The following ZRANB3 variants were observed in gnomAD, a reference collection of about 807,000 sequenced individuals.
ZRANB3 encodes zinc finger RANBP2-type containing 3, also known as DNA annealing helicase and endonuclease ZRANB3.
ZRANB3 carries 125 observed loss-of-function variants against 133.8 expected under a neutral mutation model. The observed-to-expected ratio is 0.93, with a 90% CI of 0.81 to 1.08. ZRANB3 has a LOEUF of 1.08. ZRANB3 is among the 50% of genes least tolerant of loss of function. The pLI, the probability that ZRANB3 is intolerant of heterozygous loss-of-function variation, is 0.00. For missense variants in ZRANB3, 1,229 were observed against 1,275.5 expected (o/e 0.96, Z 0.56); for synonymous variants, 387 against 432.7 (o/e 0.89, Z 1.31).
In ZRANB3 at chr2:135,485,174, A is replaced by AT. The variant is rs1362257935; in HGVS notation, c.161+19154_161+19155insA. Among the ~76,000 whole-genome samples, 706 of 148,884 alleles carry AT rather than the reference A, an allele frequency of 4.7e-3. 3 individuals carry two copies. The highest frequency in any genetic ancestry group is 0.025 in the South Asian group (117 of 4,760). On this transcript the variant is annotated intron_variant, in intron 2 of 20. Transcript: ENST00000264159. ...AAAACAAAACAAAACAAAACAAAAC[A>AT]AAACAAAACAAAACATAACATAACA...
At chr2:135,276,243 T>G (rs1260453958) in intron 8 of ZRANB3, among the ~76,000 whole-genome samples, 2 of 151,694 alleles carry the variant, frequency 1.3e-5, no homozygotes, top group African/African-American at 4.8e-5. Context: ...AGTTTTTTTT[T>G]TTTTTTTTTT....
At chr2:135,257,916 C>T (rs1231394685) in intron 12 of ZRANB3, among the ~76,000 whole-genome samples, 3 of 152,140 alleles carry the variant, frequency 2.0e-5, no homozygotes, top group East Asian at 1.9e-4. Context: ...TGTATGACCT[C>T]GGGCAGATTA....
intron 3 of ZRANB3, among the ~76,000 whole-genome samples, chr2:135,361,907 G>C (rs1685711181): frequency 6.6e-6 from 1 of 152,022 alleles, no homozygotes; most frequent in Non-Finnish European, 1.5e-5. Context: ...TCTTAGAATT[G>C]TGTGTGTACG....
intron 2 of ZRANB3, among the ~76,000 whole-genome samples, chr2:135,402,177 T>G (rs1395748646): frequency 6.6e-6 from 1 of 152,124 alleles, no homozygotes; most frequent in Non-Finnish European, 1.5e-5. Context: ...ATGACTTCAG[T>G]GATTAATCAC....
rs1694817945 is a variant in ZRANB3, at chr2:135,227,850, A to G, written c.2120T>C (p.Ile707Thr). Residue 707 changes from isoleucine (I) to threonine (T), a missense_variant, in exon 14 of 21, where the codon ATT (isoleucine) becomes ACT (threonine). By Grantham distance (89) the Ile-to-Thr change is moderately conservative (BLOSUM62 -1). Coordinates refer to ENST00000264159, the MANE Select transcript of ZRANB3 (RefSeq NM_032143.4). ...GGATGTAAGTCCGTCTTCTTTCTCAATTTTTGGTGTTTCTTCCTTGCTGTC... is the reference window on the plus strand; with the variant it reads ...GGATGTAAGTCCGTCTTCTTTCTCAGTTTTTGGTGTTTCTTCCTTGCTGTC... Reference protein sequence around the residue: ...LADSKEETPKIEKEDGLTSQP... With the variant: ...LADSKEETPKTEKEDGLTSQP... 10 of 1,577,626 alleles carry G rather than the reference A, an allele frequency of 6.3e-6. No homozygotes were observed. The highest frequency in any genetic ancestry group is 1.8e-5 in the Admixed American group (1 of 54,528).
chr2:135,502,735 G>A (rs552161027), intron 2 of ZRANB3, among the ~76,000 whole-genome samples: 1 of 152,340 alleles, frequency 6.6e-6, no homozygotes, highest in South Asian at 2.1e-4. Context: ...TCAGGAATCT[G>A]AGGACCGTTA....
chr2:135,209,266 G>A (rs1694003359), intron 17 of ZRANB3, among the ~76,000 whole-genome samples: 1 of 152,196 alleles, frequency 6.6e-6, no homozygotes, highest in Admixed American at 6.5e-5. Context: ...GGAAAAAGGA[G>A]TCGGTGTGAG....
At chr2:135,288,855 T>C (rs1297583086) in intron 8 of ZRANB3, among the ~76,000 whole-genome samples, 1 of 150,532 alleles carries the variant, frequency 6.6e-6, no homozygotes, top group Admixed American at 6.7e-5. Context: ...TTAAAGAACT[T>C]GTTTCTGCTT....
intron 2 of ZRANB3, among the ~76,000 whole-genome samples, chr2:135,467,870 T>C (rs1010385584): frequency 1.3e-5 from 2 of 152,238 alleles, no homozygotes; most frequent in Non-Finnish European, 2.9e-5. Context: ...GCCTTGTCCA[T>C]TTATACTGGT....
At chr2:135,335,724 C>G (rs897169448) in intron 6 of ZRANB3, among the ~76,000 whole-genome samples, 2 of 149,126 alleles carry the variant, frequency 1.3e-5, no homozygotes, top group African/African-American at 5.2e-5. Context: ...AACAAAACAA[C>G]AAAAACAAAA....
intron 12 of ZRANB3, among the ~76,000 whole-genome samples, chr2:135,262,774 CTGTCTTTTAAAAAAA>C (rs1680027779): frequency 6.6e-6 from 1 of 150,482 alleles, no homozygotes; most frequent in Non-Finnish European, 1.5e-5. Context: ...GGCAGAGAGC[CTGTCTTTTAAAAAAA>C]TAAGAATTAA....
At chr2:135,390,170 C>T (rs1028063502) in intron 3 of ZRANB3, among the ~76,000 whole-genome samples, 11 of 152,006 alleles carry the variant, frequency 7.2e-5, no homozygotes, top group African/African-American at 1.9e-4. Flanking sequence ...TGAGCCACTG[C>T]GCCTGGCCGT....
chr2:135,458,032 A>G (rs1690603370), intron 2 of ZRANB3, among the ~76,000 whole-genome samples: 1 of 152,110 alleles, frequency 6.6e-6, no homozygotes, highest in African/African-American at 2.4e-5. Flanking sequence ...TTCAAGTTCT[A>G]GCTCTTACAT....
chr2:135,385,086 T>C (rs897644222), intron 3 of ZRANB3, among the ~76,000 whole-genome samples: 2 of 152,184 alleles, frequency 1.3e-5, no homozygotes, highest in African/African-American at 2.4e-5. Context: ...ATTGTATATC[T>C]AGAAAACCCC....
chr2:135,404,067 A>G (rs555928831), intron 2 of ZRANB3, among the ~76,000 whole-genome samples: 1 of 152,350 alleles, frequency 6.6e-6, no homozygotes, highest in East Asian at 1.9e-4. Flanking sequence ...AAAGGAACAC[A>G]GCTCCTCACC....
chr2:135,437,579 A>G (rs1393618057), intron 2 of ZRANB3, among the ~76,000 whole-genome samples: 1 of 152,230 alleles, frequency 6.6e-6, no homozygotes, highest in Non-Finnish European at 1.5e-5. Context: ...CTGTTCACTT[A>G]TGATGTGGGC....
At chr2:135,446,088 C>A (rs2104999124) in intron 2 of ZRANB3, among the ~76,000 whole-genome samples, 2 of 151,692 alleles carry the variant, frequency 1.3e-5, no homozygotes, top group South Asian at 4.2e-4. Context: ...TGCCTGTAAT[C>A]CCAGCAACTT....
intron 2 of ZRANB3, among the ~76,000 whole-genome samples, chr2:135,395,699 C>A (rs1271456270): frequency 6.6e-6 from 1 of 152,126 alleles, no homozygotes; most frequent in African/African-American, 2.4e-5. Flanking sequence ...CTCAAATGAT[C>A]CACCTGCCTC....
intron 2 of ZRANB3, among the ~76,000 whole-genome samples, chr2:135,392,845 T>C (rs1307793782): frequency 1.3e-5 from 2 of 151,996 alleles, no homozygotes; most frequent in Non-Finnish European, 2.9e-5. Flanking sequence ...AATTTCATTG[T>C]TCAAAAAGAT....
Sources: gnomAD v4.1 joint callset for allele counts (sites outside exome capture counted in the v4.1 genomes callset) on GRCh38, gnomAD v4.1.1 for gene constraint, MANE v1.5 for transcripts, NCBI Gene and HGNC (gene_info 2026-07-23, HGNC 2026-07-21) for gene names.